Variants in TRIO observed in about 807,000 individuals in gnomAD.
TRIO encodes trio Rho guanine nucleotide exchange factor.
In TRIO, 58 loss-of-function variants were observed where a neutral mutation model predicts 351.9. The ratio of observed to expected loss-of-function variants is 0.16; its 90% CI spans 0.13 to 0.21. TRIO has a LOEUF of 0.21. TRIO is among the 10% of genes least tolerant of loss of function. The pLI, the probability that TRIO is intolerant of heterozygous loss-of-function variation, is 1.00. For missense variants in TRIO, 3,201 were observed against 4,027.8 expected, an observed-to-expected ratio of 0.79 and a Z score of 5.56; for synonymous variants, 1,758 against 1,595.7, an observed-to-expected ratio of 1.10 and a Z score of -2.42.
In TRIO at chr5:14,377,677, TC is replaced by T. The variant is rs201053946; in HGVS notation, c.3332-334del. Among the ~76,000 whole-genome samples, 843 of 152,336 alleles carry T rather than the reference TC, an allele frequency of 5.5e-3. 6 individuals are homozygous for T. Among genetic ancestry groups the T allele is most frequent in the African/African-American group, 0.018 (757 of 41,574 alleles). ...TCTTGAAAAAAATGCTGATTTTTTT[TC>T]AGCCATTGTCGAATTGCATATTATA... is the stretch of plus-strand genomic sequence containing the variant. On this transcript the variant is annotated intron_variant, in intron 19 of 56. Transcript: ENST00000344204.
chr5:14,376,165 G>C (rs1745541760), intron 19 of TRIO, among the ~76,000 whole-genome samples: 1 of 152,186 alleles, frequency 6.6e-6, no homozygotes, highest in African/African-American at 2.4e-5. Flanking sequence ...TTATCACAAA[G>C]TACAGACTGC....
intron 3 of TRIO, among the ~76,000 whole-genome samples, chr5:14,285,177 G>C (rs950674857): frequency 6.6e-6 from 1 of 152,226 alleles, no homozygotes; most frequent in African/African-American, 2.4e-5. Context: ...ATGTGGAGGA[G>C]AAGTGATGGC....
At position 14,366,102 on chromosome 5, in the gene TRIO, T is replaced by C. The variant is rs558787732; in HGVS notation, c.2755-758T>C. On this transcript the variant is annotated intron_variant, in intron 15 of 56. Transcript: ENST00000344204. ...CCCAGACACAGAGTGGTTTTATTGT[T>C]TAAGCCCTCTCTCAAAGTTGGGGTT... Among the ~76,000 whole-genome samples the C allele has an allele frequency of 2.0e-4, 31 of 152,234 alleles. No individual in the cohort carries two copies. In the South Asian group the frequency reaches 6.0e-3, roughly 30 times the overall value.
At chr5:14,296,883 C>A (rs1048773265) in intron 6 of TRIO, among the ~76,000 whole-genome samples, 189 bp from the exon 7 acceptor site, 10 of 152,076 alleles carry the variant, frequency 6.6e-5, no homozygotes, top group Non-Finnish European at 1.0e-4. Flanking sequence ...AAATGGAAAC[C>A]AATACTTCAA....
chr5:14,236,968 C>T (rs1042468789), intron 1 of TRIO, among the ~76,000 whole-genome samples: 1 of 152,290 alleles, frequency 6.6e-6, no homozygotes, highest in African/African-American at 2.4e-5. Flanking sequence ...CTCAGCCTCT[C>T]CTGTTACACT....
At chr5:14,478,108 AGTTCCACT>A (rs990936121) in intron 41 of TRIO, among the ~76,000 whole-genome samples, 4 of 152,220 alleles carry the variant, frequency 2.6e-5, no homozygotes, top group African/African-American at 9.6e-5. Flanking sequence ...AAAAGTGGTT[AGTTCCACT>A]CACAACTCGG....
intron 1 of TRIO, among the ~76,000 whole-genome samples, chr5:14,230,381 G>C (rs1793337099): frequency 7.1e-6 from 1 of 140,058 alleles, no homozygotes; most frequent in Non-Finnish European, 1.5e-5. Flanking sequence ...TGTGTTGGGT[G>C]ATGAGGGGAG....
At position 14,439,745 on chromosome 5, in the gene TRIO, A is replaced by G. The variant is rs546843719; in HGVS notation, c.5203+19724A>G. Among the ~76,000 whole-genome samples, 10 of 152,318 alleles carry G rather than the reference A, an allele frequency of 6.6e-5. No homozygotes were observed. In the East Asian group the frequency reaches 1.7e-3, roughly 26 times the overall value. ...CTGGATCTATCACGGGACCGTTTAA[A>G]GGGAAAAACAACCTTACGCTTTGCT... On this transcript the variant is annotated intron_variant, in intron 34 of 56. Transcript: ENST00000344204.
intron 18 of TRIO, among the ~76,000 whole-genome samples, chr5:14,373,180 C>T (rs1330812832): frequency 3.3e-5 from 5 of 152,196 alleles, no homozygotes; most frequent in Non-Finnish European, 7.3e-5. Flanking sequence ...CTACCGCTGA[C>T]ATGTGGAGAT....
intron 1 of TRIO, among the ~76,000 whole-genome samples, chr5:14,238,673 T>C (rs754755276): frequency 6.6e-6 from 1 of 152,276 alleles, no homozygotes; most frequent in Non-Finnish European, 1.5e-5. Flanking sequence ...TTTAAATAAT[T>C]CATAAAGTGC....
At chr5:14,339,510 G>T (rs569087990) in intron 11 of TRIO, among the ~76,000 whole-genome samples, 1 of 152,316 alleles carries the variant, frequency 6.6e-6, no homozygotes, top group Admixed American at 6.5e-5. Flanking sequence ...TATGACTGCA[G>T]GATTTTTAGT....
chr5:14,174,675 A>G (rs1789300869), intron 1 of TRIO, among the ~76,000 whole-genome samples: 1 of 152,226 alleles, frequency 6.6e-6, no homozygotes, highest in South Asian at 2.1e-4. Context: ...ATGTTCTTTG[A>G]TCACTTTTTG....
intron 1 of TRIO, among the ~76,000 whole-genome samples, chr5:14,191,768 G>A (rs914844362): frequency 1.3e-5 from 2 of 152,108 alleles, no homozygotes; most frequent in Admixed American, 6.5e-5. Flanking sequence ...CAGGAAAATC[G>A]CAGACTGGAA....
intron 40 of TRIO, among the ~76,000 whole-genome samples, chr5:14,475,166 C>G (rs1357391773): frequency 6.6e-6 from 1 of 152,158 alleles, no homozygotes; most frequent in African/African-American, 2.4e-5. Flanking sequence ...TTTAAAAATC[C>G]TTAATCATCT....
At chr5:14,435,242 C>T (rs1215628648) in intron 34 of TRIO, among the ~76,000 whole-genome samples, 2 of 152,182 alleles carry the variant, frequency 1.3e-5, no homozygotes, top group Non-Finnish European at 1.5e-5. Context: ...GGATCCTCCA[C>T]GAGGCCGGAC....
At chr5:14,248,839 G>T (rs529512191) in intron 1 of TRIO, among the ~76,000 whole-genome samples, 6 of 152,182 alleles carry the variant, frequency 3.9e-5, no homozygotes, top group Non-Finnish European at 8.8e-5. Context: ...CCATATTATG[G>T]GCAATGGCTC....
intron 1 of TRIO, among the ~76,000 whole-genome samples, chr5:14,207,557 C>CAGAGAGAGAGCCA (rs58848680): frequency 2.1e-5 from 3 of 146,184 alleles, no homozygotes; most frequent in Non-Finnish European, 3.0e-5. Flanking sequence ...CACACACACA[C>CAGAGAGAGAGCCA]GGAGCCAGGT....
In TRIO at chr5:14,342,773, C is replaced by T. The variant is rs150640913; in HGVS notation, c.2046+6046C>T. 7.9e-5 allele frequency among the ~76,000 whole-genome samples: 12 copies of T among 152,212 alleles called. No homozygotes were observed. In the East Asian group the frequency reaches 1.7e-3, roughly 22 times the overall value. ...TTTTTGTTTCTTTCATTCCTATTTCCACCCCACATATACACACATGCTTCT... is the reference window on the plus strand; with the variant it reads ...TTTTTGTTTCTTTCATTCCTATTTCTACCCCACATATACACACATGCTTCT... On this transcript the variant is annotated intron_variant, in intron 11 of 56. Coordinates refer to ENST00000344204, the MANE Select transcript of TRIO (RefSeq NM_007118.4).
intron 1 of TRIO, among the ~76,000 whole-genome samples, chr5:14,144,969 C>CG (rs1393879517): frequency 6.6e-6 from 1 of 151,926 alleles, no homozygotes; most frequent in Non-Finnish European, 1.5e-5. Context: ...GGGCCGGGCA[C>CG]GGGGCAGGGA....
Sources: allele counts gnomAD v4.1 joint callset (sites outside exome capture counted in the v4.1 genomes callset), GRCh38; gene constraint gnomAD v4.1.1; transcripts MANE v1.5; gene names NCBI Gene and HGNC (gene_info 2026-07-23, HGNC 2026-07-21).